GALNT18: variants seen among roughly 807,000 people sequenced by gnomAD.
GALNT18 encodes the protein polypeptide N-acetylgalactosaminyltransferase 18.
A neutral mutation model predicts 69.5 loss-of-function variants in GALNT18; 44 were observed. The ratio of observed to expected loss-of-function variants is 0.63; its 90% CI spans 0.50 to 0.81. GALNT18 has a LOEUF of 0.81. GALNT18 is among the 40% of genes least tolerant of loss of function. GALNT18 has a pLI of 0.00. For synonymous variants in GALNT18, 364 were observed against 318.2 expected (o/e 1.14, Z -1.53); for missense variants, 715 against 810.0 (o/e 0.88, Z 1.42).
chr11:11,501,095 C>A (rs1419347868), intron 1 of GALNT18, among the ~76,000 whole-genome samples: 1 of 152,210 alleles, frequency 6.6e-6, no homozygotes, highest in Non-Finnish European at 1.5e-5. Context: ...AAAAATGACC[C>A]TCCTATTGAA....
At chr11:11,575,959 G>A (rs1325691737) in intron 1 of GALNT18, among the ~76,000 whole-genome samples, 1 of 152,176 alleles carries the variant, frequency 6.6e-6, no homozygotes, top group Non-Finnish European at 1.5e-5. Flanking sequence ...TCTCACTGCT[G>A]GGGAGGGGAG....
At chr11:11,401,341 A>G (rs1854463525) in intron 3 of GALNT18, among the ~76,000 whole-genome samples, 1 of 152,240 alleles carries the variant, frequency 6.6e-6, no homozygotes, top group Non-Finnish European at 1.5e-5. Flanking sequence ...TCCTGGAGGT[A>G]GCCAGTAAAT....
rs1850418796 is a variant in GALNT18, at chr11:11,352,058, C to A, written c.1093-11054G>T. 2.5e-6 allele frequency: 4 copies of A among 1,613,698 alleles called. No homozygotes were observed. The African/African-American group carries it at 5.4e-5, about 22-fold the overall frequency. On this transcript the variant is annotated intron_variant, in intron 6 of 10. Coordinates refer to ENST00000227756, the MANE Select transcript of GALNT18 (RefSeq NM_198516.3). ...GTGAAGGAGTTGGCACTGAAGAAAT[C>A]CCTGACATCACATTGGCGCTGCTGA...
Position 11,563,716 on chromosome 11 carries a change from C to A in GALNT18, c.235+57643G>T, listed in dbSNP as rs930218786. 3.3e-5 allele frequency among the ~76,000 whole-genome samples: 5 copies of A among 152,218 alleles called. No individual in the cohort carries two copies. Among genetic ancestry groups the A allele is most frequent in the Admixed American group, 2.6e-4 (4 of 15,282 alleles). ...AGGCTTCCCAACGCCAAGTCTAACA[C>A]TCTCTCCTCCCAGCCCTGCCTCCCT... On this transcript the variant is annotated intron_variant, in intron 1 of 10. Transcript: ENST00000227756. This position sits in a 1 kb window ranked among gnomAD's most constrained non-coding sequence, Gnocchi z 4.6.
intron 1 of GALNT18, among the ~76,000 whole-genome samples, chr11:11,501,853 A>G (rs6484955): frequency 0.96 from 146,611 of 152,312 alleles, 70,759 homozygotes; most frequent in East Asian, 1. Flanking sequence ...CTCGCCTGGG[A>G]AGGTTCTGCC....
At chr11:11,291,400 T>A (rs888454744) in intron 10 of GALNT18, among the ~76,000 whole-genome samples, 1 of 152,224 alleles carries the variant, frequency 6.6e-6, no homozygotes, top group Non-Finnish European at 1.5e-5. Context: ...CTCAGTTTCC[T>A]CATCTATGAG....
At chr11:11,438,563 T>TA (rs1300934313) in intron 2 of GALNT18, among the ~76,000 whole-genome samples, 2 of 152,124 alleles carry the variant, frequency 1.3e-5, no homozygotes, top group African/African-American at 4.8e-5. Context: ...TTGAGGGAAA[T>TA]AGAGTCGAGA....
chr11:11,462,330 G>A (rs11021858), intron 1 of GALNT18, among the ~76,000 whole-genome samples: 30,255 of 150,252 alleles, frequency 0.2, 3,666 homozygotes, highest in Non-Finnish European at 0.26. Flanking sequence ...AGGCTGGAGT[G>A]CAGTGGCATG....
chr11:11,555,236 T>C lies in GALNT18; in HGVS notation c.235+66123A>G, dbSNP rs1379667578. 6.6e-6 allele frequency among the ~76,000 whole-genome samples: 1 copy of C among 152,194 alleles called. No individual in the cohort carries two copies. The highest frequency in any genetic ancestry group is 1.9e-4 in the East Asian group (1 of 5,194). ...ACCCCACCATTCATGCCAGCCAAGCTGCCAAGGACCCAGCCCCTCTCTGAC... is the reference window on the plus strand; with the variant it reads ...ACCCCACCATTCATGCCAGCCAAGCCGCCAAGGACCCAGCCCCTCTCTGAC... On this transcript the variant is annotated intron_variant, in intron 1 of 10. Coordinates refer to ENST00000227756, the MANE Select transcript of GALNT18 (RefSeq NM_198516.3). The surrounding 1 kb of genome is among the most constrained non-coding windows in gnomAD (Gnocchi z 4.7).
chr11:11,488,595 T>C (rs2133881183), intron 1 of GALNT18, among the ~76,000 whole-genome samples: 1 of 152,306 alleles, frequency 6.6e-6, no homozygotes, highest in Middle Eastern at 3.4e-3. Context: ...GAGAGTCAAG[T>C]GAACAATACT....
chr11:11,490,233 TAACA>T (rs1467461871), intron 1 of GALNT18, among the ~76,000 whole-genome samples: 23 of 51,376 alleles, frequency 4.5e-4, no homozygotes, highest in Middle Eastern at 0.01. Context: ...TCTCTCTCTC[TAACA>T]CACACACACA....
In GALNT18 at chr11:11,465,150, T is replaced by C. The variant is rs1856128807; in HGVS notation, c.236-16214A>G. 2.0e-5 allele frequency among the ~76,000 whole-genome samples: 3 copies of C among 152,094 alleles called. No individual in the cohort carries two copies. In the South Asian group the frequency reaches 6.2e-4, roughly 32 times the overall value. On this transcript the variant is annotated intron_variant, in intron 1 of 10. Coordinates refer to ENST00000227756, the MANE Select transcript of GALNT18 (RefSeq NM_198516.3). This position sits in a 1 kb window ranked among gnomAD's most constrained non-coding sequence, Gnocchi z 5.7. ...CCACTGGTAACCTGGGCGAGGTGCC[T>C]TGGGATGCCTGAGGAAGGTCTGTTC...
intron 1 of GALNT18, among the ~76,000 whole-genome samples, chr11:11,488,915 T>C (rs1856700215): frequency 6.6e-6 from 1 of 152,200 alleles, no homozygotes; most frequent in Non-Finnish European, 1.5e-5. Context: ...AGCTCTACTG[T>C]AGACCCCAAG....
At chr11:11,579,994 A>G (rs1859036602) in intron 1 of GALNT18, among the ~76,000 whole-genome samples, 1 of 152,214 alleles carries the variant, frequency 6.6e-6, no homozygotes, top group African/African-American at 2.4e-5. Context: ...TTCCTAGAGG[A>G]TGAGAGGAAG....
At chr11:11,344,098 C>T (rs886343079) in intron 6 of GALNT18, among the ~76,000 whole-genome samples, 1 of 148,386 alleles carries the variant, frequency 6.7e-6, no homozygotes, top group African/African-American at 2.6e-5. Flanking sequence ...AAGGTGTAAG[C>T]TGGACCACTG....
At chr11:11,464,896 CAG>C (rs1856122568) in intron 1 of GALNT18, among the ~76,000 whole-genome samples, 1 of 152,164 alleles carries the variant, frequency 6.6e-6, no homozygotes, top group Non-Finnish European at 1.5e-5. Flanking sequence ...AAGTTAATAA[CAG>C]AGCCTTTCAC....
rs987898602 is a variant in GALNT18 at position 11,387,775 on chromosome 11, T to G, written c.596-8511A>C. Among the ~76,000 whole-genome samples, 20 of 151,706 alleles carry G rather than the reference T, an allele frequency of 1.3e-4. No individual in the cohort carries two copies. Among genetic ancestry groups the G allele is most frequent in the African/African-American group, 4.4e-4 (18 of 41,252 alleles). On this transcript the variant is annotated intron_variant, in intron 3 of 10. Transcript: ENST00000227756. This position sits in a 1 kb window ranked among gnomAD's most constrained non-coding sequence, Gnocchi z 4.6. ...CCGCACCTCCATGGAGAATCTGGAG[T>G]GGGGGCTCAGGACTCAGATGGTCCT...
chr11:11,357,077 G>C (rs576208905), intron 6 of GALNT18, among the ~76,000 whole-genome samples: 2 of 152,188 alleles, frequency 1.3e-5, no homozygotes, highest in South Asian at 2.1e-4. Context: ...ATTGGTTCTA[G>C]ACTGGCTGCT....
chr11:11,284,544 G>A (rs1178126439), intron 10 of GALNT18, among the ~76,000 whole-genome samples: 1 of 152,196 alleles, frequency 6.6e-6, no homozygotes, highest in African/African-American at 2.4e-5. Flanking sequence ...GGAACGTCTG[G>A]AGTATTTGTG....
Sources: gnomAD v4.1 joint callset for allele counts (sites outside exome capture counted in the v4.1 genomes callset) on GRCh38, gnomAD v4.1.1 for gene constraint, Gnocchi (gnomAD v3.1) non-coding constraint, MANE v1.5 for transcripts, NCBI Gene and HGNC (gene_info 2026-07-23, HGNC 2026-07-21) for gene names.